Variants in EPB41L4B observed in about 807,000 individuals in gnomAD.
EPB41L4B encodes the protein erythrocyte membrane protein band 4.1 like 4B.
EPB41L4B carries 30 observed loss-of-function variants against 112.5 expected under a neutral mutation model. The ratio of observed to expected loss-of-function variants is 0.27; its 90% CI spans 0.20 to 0.36. EPB41L4B has a LOEUF of 0.36. EPB41L4B is among the 10% of genes least tolerant of loss of function. The probability of loss-of-function intolerance (pLI) is 1.00; values close to 1 mark genes in which losing one functional copy is unlikely to be tolerated. For synonymous variants in EPB41L4B, 408 were observed against 439.7 expected (o/e 0.93, Z 0.90); for missense variants, 1,024 against 1,133.3 (o/e 0.90, Z 1.38).
chr9:109,188,150 G>C (rs1832336235), intron 22 of EPB41L4B, among the ~76,000 whole-genome samples: 1 of 152,146 alleles, frequency 6.6e-6, no homozygotes, highest in African/African-American at 2.4e-5. Flanking sequence ...GATACATGAT[G>C]ATGAAAATGT....
At position 109,251,471 on chromosome 9, in the gene EPB41L4B, G is replaced by A. The variant is rs1376915129; in HGVS notation, c.1310+10C>T. On this transcript the variant is annotated intron_variant, in intron 13 of 25. Transcript: ENST00000374566. ...AGGAGAGCTGTGCTCTAGAGCTCAA[G>A]GACACTCACCAGAGCTGGGCTGCTA... 2 of 1,613,112 alleles carry A rather than the reference G, an allele frequency of 1.2e-6. No individual in the cohort carries two copies. Among genetic ancestry groups the A allele is most frequent in the Admixed American group, 3.3e-5 (2 of 60,024 alleles).
rs1418306909 is a variant in EPB41L4B, at chr9:109,172,806, T to C, written c.*1748A>G. The C allele has an allele frequency of 6.5e-6, 1 of 152,684 alleles. No individual in the cohort carries two copies. Among genetic ancestry groups the C allele is most frequent in the Non-Finnish European group, 1.5e-5 (1 of 68,042 alleles). 9.5% of individuals were successfully genotyped at this position (152,684 alleles called of 1,614,324 possible). On this transcript the variant is annotated 3_prime_UTR_variant, in exon 26 of 26. Coordinates refer to ENST00000374566, the MANE Select transcript of EPB41L4B (RefSeq NM_019114.5). ...ATCCTCGGTTATCTGAATATTCACA[T>C]ACATTCCTCATTTTACAACAATACT... is the stretch of plus-strand genomic sequence containing the variant.
rs60381156 is a variant in EPB41L4B, at chr9:109,247,192, T to TTA, written c.1344+563_1344+564insTA. Among the ~76,000 whole-genome samples the TTA allele has an allele frequency of 2.6e-4, 39 of 150,684 alleles. No homozygotes were observed. In the East Asian group the frequency reaches 7.3e-3, roughly 28 times the overall value. ...AGACTAGTTTTTTTTTTTTTTTTTT[T>TTA]AATCAGGGGCGTGAGAGGGGAGCAA... On this transcript the variant is annotated intron_variant, in intron 14 of 25. Transcript: ENST00000374566.
At chr9:109,191,562 C>G (rs955204778) in intron 22 of EPB41L4B, among the ~76,000 whole-genome samples, 1 of 152,216 alleles carries the variant, frequency 6.6e-6, no homozygotes, top group African/African-American at 2.4e-5. Context: ...ATCTCCAATT[C>G]CCTACCAGAT....
chr9:109,255,462 T>C (rs368397392), intron 11 of EPB41L4B, 49 bp downstream of exon 11: 412 of 1,599,862 alleles, frequency 2.6e-4, no homozygotes, highest in Non-Finnish European at 3.2e-4. Flanking sequence ...GAAATCACAG[T>C]TGCCCTCCTT....
intron 15 of EPB41L4B, among the ~76,000 whole-genome samples, chr9:109,226,964 G>A (rs1387193248): frequency 2.0e-5 from 3 of 151,322 alleles, no homozygotes; most frequent in South Asian, 2.1e-4. Flanking sequence ...TCAGCCTCCC[G>A]AGTACCTACA....
At chr9:109,180,030 C>A (rs1446758992) in intron 24 of EPB41L4B, among the ~76,000 whole-genome samples, 1 of 152,174 alleles carries the variant, frequency 6.6e-6, no homozygotes, top group African/African-American at 2.4e-5. Context: ...CCTACTGTGG[C>A]CTACAAGGCC....
chr9:109,217,165 C>T lies in EPB41L4B; in HGVS notation c.1410-20G>A. On this transcript the variant is annotated intron_variant, in intron 15 of 25. Coordinates refer to ENST00000374566, the MANE Select transcript of EPB41L4B (RefSeq NM_019114.5). ...GGGTAGCTGTGGAGGGTGACACAGTCAGGATTTAGAAAAGCAGAATGCCTT... is the reference window on the plus strand; with the variant it reads ...GGGTAGCTGTGGAGGGTGACACAGTTAGGATTTAGAAAAGCAGAATGCCTT... The T allele has an allele frequency of 6.2e-7, 1 of 1,611,196 alleles. No homozygotes were observed. Among genetic ancestry groups the T allele is most frequent in the South Asian group, 1.1e-5 (1 of 90,986 alleles).
intron 16 of EPB41L4B, 81 bp downstream of exon 16, chr9:109,216,841 T>C: frequency 7.2e-7 from 1 of 1,386,510 alleles, no homozygotes; most frequent in Non-Finnish European, 1.0e-6. Context: ...CGCAAGGGTC[T>C]GTCTTAAGAA....
At chr9:109,199,078 TG>T (rs201677293) in intron 20 of EPB41L4B, among the ~76,000 whole-genome samples, 2,731 of 152,288 alleles carry the variant, frequency 0.018, 42 homozygotes, top group Admixed American at 0.025. Flanking sequence ...AGTCTTTGGA[TG>T]GGAATTGTCA....
At chr9:109,268,097 T>C (rs1269154444) in intron 3 of EPB41L4B, among the ~76,000 whole-genome samples, 1 of 152,244 alleles carries the variant, frequency 6.6e-6, no homozygotes, top group Non-Finnish European at 1.5e-5. Context: ...GAAGTAGATA[T>C]AATAGGTATA....
intron 15 of EPB41L4B, among the ~76,000 whole-genome samples, chr9:109,229,824 C>T (rs924218938): frequency 6.6e-6 from 1 of 152,158 alleles, no homozygotes; most frequent in African/African-American, 2.4e-5. Flanking sequence ...CATGGGGAGC[C>T]TGGAGCTTCA....
intron 22 of EPB41L4B, among the ~76,000 whole-genome samples, chr9:109,189,582 C>G (rs73523176): frequency 0.017 from 2,611 of 152,256 alleles, 81 homozygotes; most frequent in African/African-American, 0.06. Flanking sequence ...CCACAAGTAT[C>G]AAGAGTGATA....
intron 2 of EPB41L4B, among the ~76,000 whole-genome samples, chr9:109,278,932 A>G (rs1286190081): frequency 6.6e-6 from 1 of 152,178 alleles, no homozygotes; most frequent in Non-Finnish European, 1.5e-5. Flanking sequence ...TCATTCTAAC[A>G]TCTCCACTGT....
At chr9:109,220,779 A>ATATG (rs780074326) in intron 15 of EPB41L4B, among the ~76,000 whole-genome samples, 22 of 150,620 alleles carry the variant, frequency 1.5e-4, no homozygotes, top group Non-Finnish European at 3.0e-5. Context: ...GTGTGTGAGC[A>ATATG]TATGTGTGTG....
At chr9:109,184,609 T>C (rs1832188733) in intron 23 of EPB41L4B, among the ~76,000 whole-genome samples, 1 of 152,222 alleles carries the variant, frequency 6.6e-6, no homozygotes, top group Admixed American at 6.5e-5. Context: ...GAAAAATAGA[T>C]TTCAACAATT....
chr9:109,271,229 T>A (rs562643484), intron 2 of EPB41L4B, among the ~76,000 whole-genome samples: 19 of 152,250 alleles, frequency 1.2e-4, no homozygotes, highest in Non-Finnish European at 2.5e-4. Flanking sequence ...TCAGCCATTG[T>A]GGGCTGGGCT....
At chr9:109,204,183 G>A (rs942320720) in intron 18 of EPB41L4B, among the ~76,000 whole-genome samples, 3 of 152,150 alleles carry the variant, frequency 2.0e-5, no homozygotes, top group Non-Finnish European at 2.9e-5. Flanking sequence ...CAGGAATCAC[G>A]TCATATGATT....
At chr9:109,240,272 C>A (rs182088050) in intron 15 of EPB41L4B, 32 of 985,354 alleles carry the variant, frequency 3.2e-5, no homozygotes, top group Non-Finnish European at 3.7e-5. Flanking sequence ...AGCATCAGAA[C>A]GTCTGCTAAA....
Sources: allele counts gnomAD v4.1 joint callset (sites outside exome capture counted in the v4.1 genomes callset), GRCh38; gene constraint gnomAD v4.1.1; transcripts MANE v1.5; gene names NCBI Gene and HGNC (gene_info 2026-07-23, HGNC 2026-07-21).